TAMALIN: variants seen among roughly 807,000 people sequenced by gnomAD.
TAMALIN encodes trafficking regulator and scaffold protein tamalin, also known as protein TAMALIN.
A neutral mutation model predicts 38.5 loss-of-function variants in TAMALIN; 9 were observed. The observed-to-expected ratio is 0.23, with a 90% CI of 0.14 to 0.41. The LOEUF (loss-of-function observed/expected upper bound fraction) is 0.41. TAMALIN is among the 10% of genes least tolerant of loss of function. The probability of loss-of-function intolerance (pLI) is 1.00; values close to 1 mark genes in which losing one functional copy is unlikely to be tolerated. For missense variants in TAMALIN, 548 were observed against 554.1 expected (o/e 0.99, Z 0.11); for synonymous variants, 306 against 256.5 (o/e 1.19, Z -1.85).
Position 52,015,271 on chromosome 12 carries a change from G to C in TAMALIN, c.*72G>C. On this transcript the variant is annotated 3_prime_UTR_variant, in exon 8 of 8. Coordinates refer to ENST00000293662, the MANE Select transcript of TAMALIN (RefSeq NM_181711.4). The stretch of plus-strand genomic sequence containing the variant: ...CAGCGCTAAAAGAGGGGGAGGCCGA[G>C]CCAAGAGGACCCCAGGAGCCCAGAG... 6.8e-7 allele frequency: 1 copy of C among 1,466,558 alleles called. No individual in the cohort carries two copies. Among genetic ancestry groups the C allele is most frequent in the Non-Finnish European group, 9.0e-7 (1 of 1,111,770 alleles). The allele number at this position is 1,466,558 out of a possible 1,614,324, so 90.8% of individuals were successfully genotyped here. A position where few individuals can be genotyped will look rare whatever the true frequency, so the allele number is the denominator to read the frequency against.
chr12:52,014,082 CCTG>C, intron 6 of TAMALIN, 50 bp from the exon 7 acceptor site: 1 of 1,578,606 alleles, frequency 6.3e-7, no homozygotes, highest in Non-Finnish European at 8.7e-7. Flanking sequence ...GTACCCACGT[CCTG>C]CTAGTTTCCT....
In TAMALIN at chr12:52,011,848, T is replaced by TC. The variant is rs1204311211; in HGVS notation, c.454+713dup. Among the ~76,000 whole-genome samples, 5 of 151,662 alleles carry TC rather than the reference T, an allele frequency of 3.3e-5. No individual in the cohort carries two copies. Among genetic ancestry groups the TC allele is most frequent in the Non-Finnish European group, 7.4e-5 (5 of 67,908 alleles). ...GGCAGCCTGAAACTGTATGAATCAA[T>TC]CCCCCCTCCACCATCTTTGCCCCTA... On this transcript the variant is annotated intron_variant, in intron 4 of 7. Transcript: ENST00000293662. This position sits in a 1 kb window ranked among gnomAD's most constrained non-coding sequence, Gnocchi z 5.3.
Position 52,015,493 on chromosome 12 carries a change from G to A in TAMALIN, c.*294G>A, listed in dbSNP as rs1937789526. On this transcript the variant is annotated 3_prime_UTR_variant, in exon 8 of 8. Transcript: ENST00000293662. ...CAGTCTGCATCTGTAGTGCCTTGTG[G>A]GGTATCCAGGAACACCCTCCCAGCA... is the stretch of plus-strand genomic sequence containing the variant. 1 of 321,292 alleles carries A rather than the reference G, an allele frequency of 3.1e-6. No individual in the cohort carries two copies. The highest frequency in any genetic ancestry group is 4.8e-5 in the Admixed American group (1 of 20,944). 19.9% of individuals were successfully genotyped at this position (321,292 alleles called of 1,614,324 possible). A position where few individuals can be genotyped will look rare whatever the true frequency, so the allele number is the denominator to read the frequency against.
chr12:52,014,196 T>A lies in TAMALIN; in HGVS notation c.677T>A (p.Val226Glu). 6.3e-7 allele frequency: 1 copy of A among 1,597,882 alleles called. No individual in the cohort carries two copies. Among genetic ancestry groups the A allele is most frequent in the East Asian group, 2.3e-5 (1 of 44,278 alleles). The change falls in exon 7 of 8, where the codon GTG (valine) becomes GAG (glutamate). Residue 226 changes from valine to glutamate, a missense_variant. Physicochemically the swap from Val to Glu is moderately radical, Grantham distance 121. Coordinates refer to ENST00000293662, the MANE Select transcript of TAMALIN (RefSeq NM_181711.4). The part of the protein sequence containing the change: ...RSLMVQEQRL[V>E]HGLVVKDPSI... Reference sequence around the variant, plus strand: ...CTAATGGTGCAGGAGCAGCGGCTGGTGCATGGTGAGTAGATCCCGGGGTGT... The same window carrying A: ...CTAATGGTGCAGGAGCAGCGGCTGGAGCATGGTGAGTAGATCCCGGGGTGT...
At chr12:52,008,069 G>C (rs1409249207) in intron 1 of TAMALIN, 55 of 985,326 alleles carry the variant, frequency 5.6e-5, no homozygotes, top group Non-Finnish European at 6.6e-5. Context: ...CCCACACAAT[G>C]AACAGCTTGT....
rs923283607 is a variant in TAMALIN, at chr12:52,014,215, G to A, written c.682+14G>A. 32 of 1,582,390 alleles carry A rather than the reference G, an allele frequency of 2.0e-5. No individual in the cohort carries two copies. The highest frequency in any genetic ancestry group is 2.3e-5 in the South Asian group (2 of 86,960). On this transcript the variant is annotated intron_variant, in intron 7 of 7. Coordinates refer to ENST00000293662, the MANE Select transcript of TAMALIN (RefSeq NM_181711.4). ...GGCTGGTGCATGGTGAGTAGATCCC[G>A]GGGTGTGAGGGGCCACTTGTTCTGC...
chr12:52,011,462 A>G lies in TAMALIN; in HGVS notation c.454+321A>G. 3.5e-6 allele frequency: 2 copies of G among 571,708 alleles called. No individual in the cohort carries two copies. The highest frequency in any genetic ancestry group is 6.3e-6 in the Non-Finnish European group (2 of 319,692). The allele number at this position is 571,708 out of a possible 1,614,324, so 35.4% of individuals were successfully genotyped here. ...GCTGCTGCTCTGATTCCTCCCAGCA[A>G]CCCTGGCAGTCAGCATGGGCAGGAG... On this transcript the variant is annotated intron_variant, in intron 4 of 7. Coordinates refer to ENST00000293662, the MANE Select transcript of TAMALIN (RefSeq NM_181711.4). The surrounding 1 kb of genome is among the most constrained non-coding windows in gnomAD (Gnocchi z 5.3).
chr12:52,014,537 G>C (rs1937738971), intron 7 of TAMALIN, 157 bp from the exon 8 acceptor site: 1 of 624,356 alleles, frequency 1.6e-6, no homozygotes, highest in African/African-American at 1.8e-5. Flanking sequence ...CTGATTTGCG[G>C]GTGAGGGAAG....
Position 52,013,559 on chromosome 12 carries a change from T to TG in TAMALIN, c.455-126dup, listed in dbSNP as rs532416782. ...AGATCTACAGAGAACCATGAGGAGT[T>TG]GGAGGAGGGAGTTCAGGAGTATTCC... On this transcript the variant is annotated intron_variant, in intron 4 of 7. Coordinates refer to ENST00000293662, the MANE Select transcript of TAMALIN (RefSeq NM_181711.4). 5.8e-4 allele frequency: 410 copies of TG among 707,702 alleles called. 1 individual carries two copies. Among genetic ancestry groups the TG allele is most frequent in the Admixed American group, 2.0e-3 (96 of 47,470 alleles). 43.8% of individuals were successfully genotyped at this position (707,702 alleles called of 1,614,324 possible).
At chr12:52,012,429 T>A (rs1937672616) in intron 4 of TAMALIN, among the ~76,000 whole-genome samples, 1 of 152,124 alleles carries the variant, frequency 6.6e-6, no homozygotes, top group Non-Finnish European at 1.5e-5. Context: ...CATTTTTGTA[T>A]TTTTAGTAGA....
chr12:52,014,785 C>T lies in TAMALIN; in HGVS notation c.774C>T (p.Pro258=). ...CGGGCCTGCTCCCGGGCTCGCTGCC[C>T]TTCGGGCCTCTGCTCGCCGTGCCCG... is the stretch of plus-strand genomic sequence containing the variant. The part of the protein sequence containing the change: ...YGAGLLPGSL[P]FGPLLAVPGR... The change falls in exon 8 of 8, where the codon CCC becomes CCT. Residue 258 remains proline, a synonymous_variant. Coordinates refer to ENST00000293662, the MANE Select transcript of TAMALIN (RefSeq NM_181711.4). The T allele has an allele frequency of 6.9e-7, 1 of 1,446,482 alleles. No individual in the cohort carries two copies. The highest frequency in any genetic ancestry group is 9.0e-7 in the Non-Finnish European group (1 of 1,107,746). 89.6% of individuals were successfully genotyped at this position (1,446,482 alleles called of 1,614,324 possible). A position where few individuals can be genotyped will look rare whatever the true frequency, so the allele number is the denominator to read the frequency against.
In TAMALIN at chr12:52,011,391, A is replaced by T. The variant is rs1937640882; in HGVS notation, c.454+250A>T. ...CCAAACATCACAGTGCGGCAAGGGGATTCCCTGGGCACACTGCCAGGGCCT... is the reference window on the plus strand; with the variant it reads ...CCAAACATCACAGTGCGGCAAGGGGTTTCCCTGGGCACACTGCCAGGGCCT... On this transcript the variant is annotated intron_variant, in intron 4 of 7. Transcript: ENST00000293662. This position sits in a 1 kb window ranked among gnomAD's most constrained non-coding sequence, Gnocchi z 5.3. The T allele has an allele frequency of 1.6e-6, 1 of 624,688 alleles. No individual in the cohort carries two copies. The highest frequency in any genetic ancestry group is 2.8e-6 in the Non-Finnish European group (1 of 354,074). The allele number at this position is 624,688 out of a possible 1,614,324, so 38.7% of individuals were successfully genotyped here.
In TAMALIN at chr12:52,015,239, C is replaced by T; in HGVS notation, c.*40C>T. ...AGGGAGGTATTTATTTATTTATTCG[C>T]AACAGCCAGCGCTAAAAGAGGGGGA... is the stretch of plus-strand genomic sequence containing the variant. On this transcript the variant is annotated 3_prime_UTR_variant, in exon 8 of 8. Coordinates refer to ENST00000293662, the MANE Select transcript of TAMALIN (RefSeq NM_181711.4). 2 of 1,545,954 alleles carry T rather than the reference C, an allele frequency of 1.3e-6. No individual in the cohort carries two copies. The highest frequency in any genetic ancestry group is 1.8e-5 in the Admixed American group (1 of 54,128).
Position 52,013,716 on chromosome 12 carries a change from A to C in TAMALIN, c.484A>C (p.Asn162His). The stretch of plus-strand genomic sequence containing the variant: ...CACCATCGCCAGCGTCAATGGCCTG[A>C]ATGTGGAAGGCATCCGGCATCGAGA... ...GDTIASVNGL[N>H]VEGIRHREIV... Residue 162 changes from asparagine to histidine, a missense_variant, in exon 5 of 8, where the codon AAT becomes CAT. Around this residue, in one of 3 missense-constraint regions of TAMALIN, gnomAD observed 415 missense variants for 417.0 expected, o/e 1.00. Transcript: ENST00000293662. 1 of 1,614,094 alleles carries C rather than the reference A, an allele frequency of 6.2e-7. No individual in the cohort carries two copies. The highest frequency in any genetic ancestry group is 8.5e-7 in the Non-Finnish European group (1 of 1,179,996).
chr12:52,014,070 C>A, intron 6 of TAMALIN, 65 bp from the exon 7 acceptor site: 3 of 1,567,428 alleles, frequency 1.9e-6, no homozygotes, highest in Non-Finnish European at 2.6e-6. Context: ...GATCCCTCGT[C>A]TGTACCCACG....
chr12:52,010,026 G>C (rs1247727914), intron 2 of TAMALIN, among the ~76,000 whole-genome samples: 1 of 152,138 alleles, frequency 6.6e-6, no homozygotes, highest in Non-Finnish European at 1.5e-5. Flanking sequence ...TAGAACATTG[G>C]GGTAGACGCG....
intron 2 of TAMALIN, 60 bp downstream of exon 2, chr12:52,009,299 G>A (rs1040909903): frequency 3.9e-6 from 6 of 1,527,418 alleles, no homozygotes; most frequent in Non-Finnish European, 5.4e-6. Flanking sequence ...TGGGTTGGGG[G>A]GTGCCAGGAC....
Position 52,007,429 on chromosome 12 carries a change from C to T in TAMALIN, c.246+164C>T. 5 of 985,286 alleles carry T rather than the reference C, an allele frequency of 5.1e-6. No homozygotes were observed. The highest frequency in any genetic ancestry group is 4.8e-6 in the Non-Finnish European group (4 of 829,876). 61.0% of individuals were successfully genotyped at this position (985,286 alleles called of 1,614,324 possible). A position where few individuals can be genotyped will look rare whatever the true frequency, so the allele number is the denominator to read the frequency against. ...CCCGCGTTCCCCGCTGCTGCGAAGG[C>T]CGTGGCCCTCGCCTGCACACCGCGC... On this transcript the variant is annotated intron_variant, in intron 1 of 7. Transcript: ENST00000293662. The surrounding 1 kb of genome is among the most constrained non-coding windows in gnomAD (Gnocchi z 6.7).
intron 2 of TAMALIN, 64 bp downstream of exon 2, chr12:52,009,303 C>A: frequency 6.7e-7 from 1 of 1,488,406 alleles, no homozygotes; most frequent in South Asian, 1.1e-5. Context: ...TTGGGGGGTG[C>A]CAGGACAGCA....
Sources: allele counts gnomAD v4.1 joint callset (sites outside exome capture counted in the v4.1 genomes callset), GRCh38; gene constraint gnomAD v4.1.1; regional missense constraint gnomAD v4.1.1; non-coding constraint Gnocchi (gnomAD v3.1); transcripts MANE v1.5; gene names NCBI Gene and HGNC (gene_info 2026-07-23, HGNC 2026-07-21).